The following GREB1L variants were observed in gnomAD, a reference collection of about 807,000 sequenced individuals.
The protein encoded by GREB1L is GREB1 like retinoic acid receptor coactivator.
Under a neutral mutation model 200.8 loss-of-function variants are expected in GREB1L, and 17 were observed. The ratio of observed to expected loss-of-function variants is 0.08; its 90% CI spans 0.06 to 0.13. The LOEUF is 0.13. Among genes scored for constraint, GREB1L ranks in the 10% least tolerant of loss-of-function variants. The pLI is 1.00. For missense variants in GREB1L, 1,657 were observed against 2,367.7 expected (o/e 0.70, Z 6.23); for synonymous variants, 789 against 893.0 (o/e 0.88, Z 2.08).
At chr18:21,423,384 A>C (rs552246602) in intron 7 of GREB1L, among the ~76,000 whole-genome samples, 15 of 152,308 alleles carry the variant, frequency 9.8e-5, no homozygotes, top group South Asian at 6.2e-4. Context: ...GTTCTGCTAG[A>C]ATCAGAGTTT....
intron 1 of GREB1L, among the ~76,000 whole-genome samples, chr18:21,268,117 G>C (rs2038002283): frequency 6.6e-6 from 1 of 152,074 alleles, no homozygotes; most frequent in Admixed American, 6.5e-5. Context: ...AGTTCTTCCA[G>C]ATGCACTATT....
intron 29 of GREB1L, 88 bp from the exon 30 acceptor site, chr18:21,516,525 A>G: frequency 7.7e-7 from 1 of 1,292,054 alleles, no homozygotes; most frequent in Non-Finnish European, 1.1e-6. Flanking sequence ...GGCTCCTAAT[A>G]TCTTGCCACA....
chr18:21,486,986 T>A (rs757728961), intron 18 of GREB1L, among the ~76,000 whole-genome samples: 8 of 152,248 alleles, frequency 5.3e-5, no homozygotes, highest in Non-Finnish European at 7.3e-5. Flanking sequence ...CAGTAGATTA[T>A]AATACTGCAT....
chr18:21,489,918 CCCA>C (rs2036265038), intron 18 of GREB1L, 91 bp from the exon 19 acceptor site: 1 of 870,088 alleles, frequency 1.1e-6, no homozygotes, highest in East Asian at 2.6e-5. Context: ...TAGCCCCTTC[CCCA>C]CCATGCTTAA....
At chr18:21,293,813 T>C (rs2038486985) in intron 1 of GREB1L, among the ~76,000 whole-genome samples, 1 of 152,168 alleles carries the variant, frequency 6.6e-6, no homozygotes, top group South Asian at 2.1e-4. Context: ...AGAGTCTTGC[T>C]CTCTTACCCA....
rs1440235048 is a variant in GREB1L at position 21,371,742 on chromosome 18, G to A, written c.-10+5606G>A. ...GAGCTTGCAGTGAGCCGAGATCACAGCACTGCACTCCAGCCTAGGAGACAG... is the reference window on the plus strand; with the variant it reads ...GAGCTTGCAGTGAGCCGAGATCACAACACTGCACTCCAGCCTAGGAGACAG... On this transcript the variant is annotated intron_variant, in intron 2 of 32. Transcript: ENST00000424526. Among the ~76,000 whole-genome samples, 3 of 146,428 alleles carry A rather than the reference G, an allele frequency of 2.0e-5. No homozygotes were observed. In the East Asian group the frequency reaches 6.1e-4, roughly 30 times the overall value.
chr18:21,369,286 TA>T (rs1332472771), intron 2 of GREB1L, among the ~76,000 whole-genome samples: 1 of 152,208 alleles, frequency 6.6e-6, no homozygotes, highest in Non-Finnish European at 1.5e-5. Context: ...CATTTCTGGT[TA>T]TTTAATGTTT....
At position 21,397,328 on chromosome 18, in the gene GREB1L, T is replaced by TA. The variant is rs918044524; in HGVS notation, c.532+1775dup. ...TAACATGGTGAAACCCCGTCTCTAC[T>TA]AAAAAAAACCCCGTCTCTACTAAAA... is the stretch of plus-strand genomic sequence containing the variant. On this transcript the variant is annotated intron_variant, in intron 5 of 32. Transcript: ENST00000424526. Among the ~76,000 whole-genome samples, 21 of 150,390 alleles carry TA rather than the reference T, an allele frequency of 1.4e-4. No individual in the cohort carries two copies. The South Asian group carries it at 1.9e-3, about 14-fold the overall frequency.
chr18:21,398,816 C>A (rs2041192579), intron 5 of GREB1L, among the ~76,000 whole-genome samples: 1 of 152,116 alleles, frequency 6.6e-6, no homozygotes, highest in Non-Finnish European at 1.5e-5. Flanking sequence ...TGCCCCAAAT[C>A]TACCATGCAA....
At chr18:21,347,288 AAAC>A (rs2039361289) in intron 1 of GREB1L, among the ~76,000 whole-genome samples, 1 of 151,742 alleles carries the variant, frequency 6.6e-6, no homozygotes, top group African/African-American at 2.4e-5. Context: ...CAAAAAAAAA[AAAC>A]AAACAAAAAC....
At chr18:21,519,366 G>T (rs1250368310) in intron 31 of GREB1L, among the ~76,000 whole-genome samples, 2 of 152,150 alleles carry the variant, frequency 1.3e-5, no homozygotes, top group African/African-American at 2.4e-5. Context: ...AAAAGGCTGA[G>T]GTGGGAAGAT....
intron 17 of GREB1L, among the ~76,000 whole-genome samples, chr18:21,484,244 C>T (rs1328958613): frequency 6.7e-6 from 1 of 149,944 alleles, no homozygotes; most frequent in African/African-American, 2.5e-5. Context: ...GGCACAATCT[C>T]GGCTCACTGC....
chr18:21,489,973 C>T, intron 18 of GREB1L, 39 bp from the exon 19 acceptor site: 5 of 1,469,680 alleles, frequency 3.4e-6, no homozygotes, highest in Non-Finnish European at 3.7e-6. Flanking sequence ...CCCAGCTGGC[C>T]CTGCTGCCTG....
chr18:21,403,998 T>C lies in GREB1L; in HGVS notation c.832+4T>C, dbSNP rs1422010642. The C allele has an allele frequency of 1.3e-6, 2 of 1,550,336 alleles. No individual in the cohort carries two copies. The highest frequency in any genetic ancestry group is 2.4e-5 in the East Asian group (1 of 40,902). The stretch of plus-strand genomic sequence containing the variant: ...AAATCAGGATTCACTCAGACAGGTA[T>C]GGGATATTTTCTTTTGGCATTTCAA... On this transcript the variant is annotated splice_donor_region_variant and intron_variant, in intron 7 of 32. Coordinates refer to ENST00000424526, the MANE Select transcript of GREB1L (RefSeq NM_001142966.3).
At chr18:21,374,894 C>T (rs1225031718) in intron 2 of GREB1L, among the ~76,000 whole-genome samples, 1 of 147,382 alleles carries the variant, frequency 6.8e-6, no homozygotes, top group Non-Finnish European at 1.5e-5. Context: ...ATTCTGTCAG[C>T]CAGGCTGGAG....
intron 29 of GREB1L, 58 bp downstream of exon 29, chr18:21,515,702 G>C: frequency 8.2e-7 from 1 of 1,218,384 alleles, no homozygotes; most frequent in Non-Finnish European, 1.2e-6. Flanking sequence ...CTTCTGCCCA[G>C]CTCTAGCCTC....
At position 21,493,780 on chromosome 18, in the gene GREB1L, C is replaced by T. The variant is rs1374679124; in HGVS notation, c.3031-1890C>T. Among the ~76,000 whole-genome samples the T allele has an allele frequency of 1.1e-4, 14 of 130,592 alleles. No homozygotes were observed. The East Asian group carries it at 1.3e-3, about 12-fold the overall frequency. 85.7% of individuals were successfully genotyped at this position (130,592 alleles called of 152,430 possible). ...ACTCAGGAGGCTGAGGCAGGAGATTCGCTTGAACCCGGGAGGTGGAGGTCG... is the reference window on the plus strand; with the variant it reads ...ACTCAGGAGGCTGAGGCAGGAGATTTGCTTGAACCCGGGAGGTGGAGGTCG... On this transcript the variant is annotated intron_variant, in intron 19 of 32. Coordinates refer to ENST00000424526, the MANE Select transcript of GREB1L (RefSeq NM_001142966.3).
intron 1 of GREB1L, among the ~76,000 whole-genome samples, chr18:21,303,290 C>T (rs1427253709): frequency 6.6e-6 from 1 of 152,198 alleles, no homozygotes. Flanking sequence ...GGTGCAGTTA[C>T]TGTCATCTGT....
At chr18:21,439,841 G>A (rs974813347) in intron 8 of GREB1L, among the ~76,000 whole-genome samples, 2 of 152,220 alleles carry the variant, frequency 1.3e-5, no homozygotes, top group Non-Finnish European at 2.9e-5. Flanking sequence ...GGGAAATAAT[G>A]TTGAAACAAA....
Sources: allele counts gnomAD v4.1 joint callset (sites outside exome capture counted in the v4.1 genomes callset), GRCh38; gene constraint gnomAD v4.1.1; transcripts MANE v1.5; gene names NCBI Gene and HGNC (gene_info 2026-07-23, HGNC 2026-07-21).